ZNF567: variants seen among roughly 807,000 people sequenced by gnomAD.
ZNF567 encodes zinc finger protein 567.
ZNF567 carries 36 observed loss-of-function variants against 53.9 expected under a neutral mutation model. The ratio of observed to expected loss-of-function variants is 0.67; its 90% CI spans 0.51 to 0.88. The LOEUF (loss-of-function observed/expected upper bound fraction) is 0.88. Among genes scored for constraint, ZNF567 ranks in the 40% least tolerant of loss-of-function variants. The probability of loss-of-function intolerance (pLI) is 0.00; values close to 1 mark genes in which losing one functional copy is unlikely to be tolerated. For synonymous variants in ZNF567, 224 were observed against 260.4 expected (o/e 0.86, Z 1.35); for missense variants, 619 against 764.7 (o/e 0.81, Z 2.25).
intron 3 of ZNF567, among the ~76,000 whole-genome samples, chr19:36,704,931 T>C (rs1462873291): frequency 6.6e-6 from 1 of 152,244 alleles, no homozygotes; most frequent in African/African-American, 2.4e-5. Flanking sequence ...AATGAGCTTT[T>C]GTAGTTTGTG....
At chr19:36,689,211 G>A (rs1364585125) in intron 1 of ZNF567, among the ~76,000 whole-genome samples, 186 bp from the exon 2 acceptor site, 1 of 149,598 alleles carries the variant, frequency 6.7e-6, no homozygotes, top group Non-Finnish European at 1.5e-5. Context: ...TCTCATAACT[G>A]CCACTCTCAA....
At chr19:36,679,644 C>G in the ZNF567 span, among the ~76,000 whole-genome samples, 1 of 152,152 alleles carries the variant, frequency 6.6e-6, no homozygotes, top group Admixed American at 6.5e-5. Flanking sequence ...GAATACTATT[C>G]AGCCTTAAAC....
intron 5 of ZNF567, among the ~76,000 whole-genome samples, chr19:36,715,547 G>T (rs1184235807): frequency 1.6e-5 from 2 of 126,836 alleles, no homozygotes; most frequent in Non-Finnish European, 3.4e-5. Flanking sequence ...ATTATTATTT[G>T]AGATGGAGTT....
At chr19:36,708,040 T>C (rs2039589722) in intron 3 of ZNF567, among the ~76,000 whole-genome samples, 1 of 152,038 alleles carries the variant, frequency 6.6e-6, no homozygotes, top group Non-Finnish European at 1.5e-5. Context: ...GGACCACAGG[T>C]GTGTGCCACC....
At chr19:36,671,962 C>G in the ZNF567 span, among the ~76,000 whole-genome samples, 1 of 152,258 alleles carries the variant, frequency 6.6e-6, no homozygotes. Flanking sequence ...CGTCCCCCCT[C>G]TTGCTACAAT....
At chr19:36,727,245 A>G (rs1204431369), downstream of ZNF567, 5 of 146,048 alleles carry the variant, frequency 3.4e-5, no homozygotes, top group Non-Finnish European at 6.0e-5. Flanking sequence ...CTAATTTTGT[A>G]TTTTTAGTAG....
intron 3 of ZNF567, among the ~76,000 whole-genome samples, chr19:36,708,096 A>G (rs975218119): frequency 4.6e-5 from 7 of 151,192 alleles, no homozygotes; most frequent in African/African-American, 1.2e-4. Context: ...GGGTTTTGCT[A>G]TGTTGCCCAG....
At chr19:36,681,056 C>A in the ZNF567 span, among the ~76,000 whole-genome samples, 1 of 152,188 alleles carries the variant, frequency 6.6e-6, no homozygotes, top group African/African-American at 2.4e-5. Context: ...CGACTATATC[C>A]TGTCTCACCA....
chr19:36,689,236 AGTGTGTGTGTGTGTGTGT>A (rs59984347), intron 1 of ZNF567, among the ~76,000 whole-genome samples, 143 bp from the exon 2 acceptor site: 14 of 138,906 alleles, frequency 1.0e-4, no homozygotes, highest in Non-Finnish European at 1.5e-4. Flanking sequence ...CCTATTTGAG[AGTGTGTGTGTGTGTGTGT>A]GTGTGTGTGT....
the ZNF567 span, among the ~76,000 whole-genome samples, chr19:36,674,042 A>G: frequency 6.6e-6 from 1 of 152,302 alleles, no homozygotes; most frequent in Non-Finnish European, 1.5e-5. Flanking sequence ...AATGAAAATC[A>G]TTAGGATTAT....
intron 5 of ZNF567, among the ~76,000 whole-genome samples, chr19:36,715,793 T>G (rs1470995918): frequency 6.6e-6 from 1 of 151,938 alleles, no homozygotes; most frequent in Non-Finnish European, 1.5e-5. Flanking sequence ...CCTCCCAAAG[T>G]GCTGGGATTA....
chr19:36,701,440 C>T (rs201146183), intron 3 of ZNF567, among the ~76,000 whole-genome samples: 44,205 of 149,572 alleles, frequency 0.3, 6,515 homozygotes, highest in African/African-American at 0.33. Flanking sequence ...CTATTAGGTC[C>T]GCTTGGTGCA....
At chr19:36,682,613 A>ATTT (rs997139672), upstream of ZNF567, among the ~76,000 whole-genome samples, 9 of 130,684 alleles carry the variant, frequency 6.9e-5, no homozygotes, top group South Asian at 4.8e-4. Context: ...TATTATTATT[A>ATTT]TTTTTTTTTT....
At chr19:36,698,073 C>T (rs993953083) in intron 3 of ZNF567, among the ~76,000 whole-genome samples, 1 of 151,904 alleles carries the variant, frequency 6.6e-6, no homozygotes, top group East Asian at 1.9e-4. Flanking sequence ...ATCCCTCCCC[C>T]CTCTCCCCAC....
At chr19:36,694,998 T>C in intron 3 of ZNF567, 122 bp downstream of exon 3, 1 of 1,088,512 alleles carries the variant, frequency 9.2e-7, no homozygotes, top group South Asian at 1.6e-5. Context: ...AGAAAACTGG[T>C]CCTCACTTCT....
Position 36,720,337 on chromosome 19 carries a change from G to T in ZNF567, c.1613G>T (p.Cys538Phe). ...TGEKPYVCNECGKSFRQKATL... is the reference protein window; with the variant it reads ...TGEKPYVCNEFGKSFRQKATL... ...GAGAAACCCTATGTTTGTAATGAAT[G>T]TGGGAAGTCCTTTCGCCAGAAAGCA... Residue 538 changes from cysteine (C) to phenylalanine (F), a missense_variant, in exon 6 of 6, where the codon TGT becomes TTT. Transcript: ENST00000682579. The T allele has an allele frequency of 1.2e-6, 2 of 1,614,176 alleles. No homozygotes were observed. The highest frequency in any genetic ancestry group is 1.7e-6 in the Non-Finnish European group (2 of 1,180,026).
chr19:36,721,732 C>CTTTTTTTTTTTTTTTTTTTTTTTTTT (rs756276834), downstream of ZNF567, among the ~76,000 whole-genome samples: 2 of 121,654 alleles, frequency 1.6e-5, no homozygotes, highest in Admixed American at 2.0e-4. Flanking sequence ...GTACCAGAGT[C>CTTTTTTTTTTTTTTTTTTTTTTTTTT]TTTTTTTTTT....
At chr19:36,678,022 C>T in the ZNF567 span, among the ~76,000 whole-genome samples, 1 of 152,120 alleles carries the variant, frequency 6.6e-6, no homozygotes, top group African/African-American at 2.4e-5. Context: ...AGGCCTAAGT[C>T]CAATTTCTTT....
At position 36,719,878 on chromosome 19, in the gene ZNF567, G is replaced by T. The variant is rs1267071803; in HGVS notation, c.1154G>T (p.Arg385Ile). 2.5e-6 allele frequency: 4 copies of T among 1,609,204 alleles called. No individual in the cohort carries two copies. The change falls in exon 6 of 6, where the codon AGA becomes ATA. Residue 385 changes from arginine (R) to isoleucine (I), a missense_variant. Arg to Ile is a moderately conservative substitution (Grantham distance 97). Transcript: ENST00000682579. The part of the protein sequence containing the change: ...RQKTTLSLHQ[R>I]IHTGEKPYIC... The stretch of plus-strand genomic sequence containing the variant: ...AAGACAACACTCTCTCTACATCAGA[G>T]AATCCATACAGGTGAGAAACCCTAC...
Sources: allele counts gnomAD v4.1 joint callset (sites outside exome capture counted in the v4.1 genomes callset), GRCh38; gene constraint gnomAD v4.1.1; transcripts MANE v1.5; gene names NCBI Gene and HGNC (gene_info 2026-07-23, HGNC 2026-07-21).